Variants in TAPBPL observed in about 807,000 individuals in gnomAD.
The protein encoded by TAPBPL is tapasin-related protein.
TAPBPL carries 32 observed loss-of-function variants against 44.8 expected under a neutral mutation model. The observed-to-expected ratio is 0.71, with a 90% CI of 0.54 to 0.96. The LOEUF (loss-of-function observed/expected upper bound fraction) is 0.96, where lower values mean the gene tolerates loss of function less well. TAPBPL is among the 40% of genes least tolerant of loss of function. The pLI, the probability that TAPBPL is intolerant of heterozygous loss-of-function variation, is 0.00. For synonymous variants in TAPBPL, 230 were observed against 240.7 expected (o/e 0.96, Z 0.41); for missense variants, 520 against 586.6 (o/e 0.89, Z 1.17).
chr12:6,457,284 C>A, intron 3 of TAPBPL, 122 bp from the exon 4 acceptor site: 1 of 906,012 alleles, frequency 1.1e-6, no homozygotes, highest in Non-Finnish European at 1.6e-6. Context: ...GGAAAATAAG[C>A]TCAACCGGCC....
At chr12:6,459,710 A>G (rs1949791973) in intron 5 of TAPBPL, among the ~76,000 whole-genome samples, 1 of 151,874 alleles carries the variant, frequency 6.6e-6, no homozygotes, top group Non-Finnish European at 1.5e-5. Context: ...GAGCCATAGC[A>G]TGCTGTTGAA....
chr12:6,456,460 G>A (rs1388384900), intron 3 of TAPBPL, among the ~76,000 whole-genome samples: 1 of 151,038 alleles, frequency 6.6e-6, no homozygotes. Flanking sequence ...CGCCTCCTGG[G>A]TTCAAGTGAT....
At chr12:6,456,552 C>T (rs12368360) in intron 3 of TAPBPL, among the ~76,000 whole-genome samples, 21,536 of 151,860 alleles carry the variant, frequency 0.14, 1,972 homozygotes, top group Non-Finnish European at 0.21. Flanking sequence ...TTAGTAGAGA[C>T]GGGGTTTCTC....
chr12:6,463,161 C>T (rs1949925214), downstream of TAPBPL: 1 of 1,444,772 alleles, frequency 6.9e-7, no homozygotes, highest in Middle Eastern at 2.5e-4. The surrounding 1 kb of genome is among the most constrained non-coding windows in gnomAD (Gnocchi z 4.0). Context: ...ACAAACCATG[C>T]AAAGAGGAGG....
downstream of TAPBPL, chr12:6,462,986 G>A (rs935784685): frequency 1.0e-5 from 16 of 1,550,950 alleles, no homozygotes; most frequent in African/African-American, 1.4e-5. Context: ...GTGGACCGAG[G>A]GAAGAAGGAA....
downstream of TAPBPL, chr12:6,466,678 G>A (rs1193348181): frequency 4.5e-6 from 1 of 223,964 alleles, no homozygotes; most frequent in East Asian, 1.4e-4. Context: ...GAAAGACTCT[G>A]CAACAACATT....
the TAPBPL span, among the ~76,000 whole-genome samples, chr12:6,471,956 C>A: frequency 6.6e-6 from 1 of 152,158 alleles, no homozygotes; most frequent in African/African-American, 2.4e-5. The surrounding 1 kb of genome is among the most constrained non-coding windows in gnomAD (Gnocchi z 4.0). Context: ...CACTCTTGTG[C>A]ATGCATAAAA....
At position 6,453,530 on chromosome 12, in the gene TAPBPL, T is replaced by G. The variant is rs2136977548; in HGVS notation, c.379T>G (p.Tyr127Asp). 1.2e-6 allele frequency: 2 copies of G among 1,614,172 alleles called. No homozygotes were observed. The highest frequency in any genetic ancestry group is 1.6e-4 in the Middle Eastern group (1 of 6,062). Residue 127 changes from tyrosine (Y) to aspartate (D), a missense_variant, in exon 3 of 7, where the codon TAC becomes GAC. Transcript: ENST00000266556. This position sits in a 1 kb window ranked among gnomAD's most constrained non-coding sequence, Gnocchi z 4.8. ...GKEVTCEISR[Y>D]FLQMTETTVK... ...GGAGGTGACCTGTGAGATCTCCCGC[T>G]ACTTTCTCCAGATGACAGAGACCAC...
chr12:6,470,685 C>A, downstream of TAPBPL: 1 of 939,974 alleles, frequency 1.1e-6, no homozygotes. Flanking sequence ...ACTGCAGCTG[C>A]CGCGCCGGCC....
downstream of TAPBPL, chr12:6,463,181 G>A: frequency 6.9e-7 from 1 of 1,439,552 alleles, no homozygotes; most frequent in Non-Finnish European, 9.1e-7. The surrounding 1 kb of genome is among the most constrained non-coding windows in gnomAD (Gnocchi z 4.0). Flanking sequence ...GAAGAGAAAG[G>A]AGGCAAAGTA....
At chr12:6,456,386 T>C (rs986305589) in intron 3 of TAPBPL, among the ~76,000 whole-genome samples, 1 of 150,184 alleles carries the variant, frequency 6.7e-6, no homozygotes, top group Non-Finnish European at 1.5e-5. Flanking sequence ...TTTTTCGATA[T>C]GGAGTTTTAC....
In TAPBPL at chr12:6,458,835, C is replaced by G. The variant is rs1369851831; in HGVS notation, c.1095C>G (p.Ile365Met). ...AAAGCGTGGCAGGCACCTACAGCAT[C>G]TCCTCCTCTCTCACCGCAGAACCTG... is the stretch of plus-strand genomic sequence containing the variant. ...LRQSVAGTYSISSSLTAEPGS... is the reference protein window; with the variant it reads ...LRQSVAGTYSMSSSLTAEPGS... Residue 365 changes from isoleucine (I) to methionine (M), a missense_variant, in exon 5 of 7, where the codon ATC (isoleucine) becomes ATG (methionine). By Grantham distance (10) the Ile-to-Met change is conservative (BLOSUM62 1). Coordinates refer to ENST00000266556, the MANE Select transcript of TAPBPL (RefSeq NM_018009.5). 1.2e-6 allele frequency: 2 copies of G among 1,613,580 alleles called. No homozygotes were observed. Among genetic ancestry groups the G allele is most frequent in the Admixed American group, 1.7e-5 (1 of 60,004 alleles).
chr12:6,463,331 T>C (rs1176978366), downstream of TAPBPL: 22 of 1,169,792 alleles, frequency 1.9e-5, no homozygotes, highest in Non-Finnish European at 2.2e-5. This position sits in a 1 kb window ranked among gnomAD's most constrained non-coding sequence, Gnocchi z 4.0. Context: ...CCCCCCAAGG[T>C]GGGGCTGGTG....
In TAPBPL at chr12:6,462,173, G is replaced by T; in HGVS notation, c.*24G>T. 1.3e-6 allele frequency: 2 copies of T among 1,518,886 alleles called. No individual in the cohort carries two copies. Among genetic ancestry groups the T allele is most frequent in the Non-Finnish European group, 1.8e-6 (2 of 1,116,282 alleles). 94.1% of individuals were successfully genotyped at this position (1,518,886 alleles called of 1,614,324 possible). On this transcript the variant is annotated 3_prime_UTR_variant, in exon 7 of 7. Transcript: ENST00000266556. ...GACCTAAAGCGACATGAGACTACTAGAAAGAAACGACACCCTTCCCCAAGC... is the reference window on the plus strand; with the variant it reads ...GACCTAAAGCGACATGAGACTACTATAAAGAAACGACACCCTTCCCCAAGC...
chr12:6,470,682 C>A, downstream of TAPBPL: 1 of 992,224 alleles, frequency 1.0e-6, no homozygotes, highest in Admixed American at 2.1e-5. Context: ...CTTACTGCAG[C>A]TGCCGCGCCG....
downstream of TAPBPL, chr12:6,464,462 GTA>G: frequency 6.4e-7 from 1 of 1,554,966 alleles, no homozygotes; most frequent in African/African-American, 1.4e-5. Flanking sequence ...GGAAGGGGTG[GTA>G]CATTCTCAAG....
intron 1 of TAPBPL, chr12:6,452,742 C>T (rs1376214319): frequency 1.1e-5 from 7 of 614,710 alleles, no homozygotes; most frequent in African/African-American, 3.7e-5. Context: ...CCTCTCTCTG[C>T]GGTGGCACTT....
Position 6,456,049 on chromosome 12 carries a change from T to C in TAPBPL, c.566-1357T>C, listed in dbSNP as rs1188623886. 2.6e-5 allele frequency among the ~76,000 whole-genome samples: 4 copies of C among 152,258 alleles called. No homozygotes were observed. In the East Asian group the frequency reaches 7.7e-4, roughly 29 times the overall value. On this transcript the variant is annotated intron_variant, in intron 3 of 6. Coordinates refer to ENST00000266556, the MANE Select transcript of TAPBPL (RefSeq NM_018009.5). ...TGTTGGGATTACAGGCGTGAGCCACTGTGCCCAACCTAAGACCCTTCTCTT... is the reference window on the plus strand; with the variant it reads ...TGTTGGGATTACAGGCGTGAGCCACCGTGCCCAACCTAAGACCCTTCTCTT...
At chr12:6,468,080 A>G (rs532870328), downstream of TAPBPL, among the ~76,000 whole-genome samples, 5 of 152,356 alleles carry the variant, frequency 3.3e-5, no homozygotes, top group East Asian at 7.7e-4. Flanking sequence ...GCCCCCACAC[A>G]GAGTCCCCAC....
Sources: gnomAD v4.1 joint callset for allele counts (sites outside exome capture counted in the v4.1 genomes callset) on GRCh38, gnomAD v4.1.1 for gene constraint, Gnocchi (gnomAD v3.1) non-coding constraint, MANE v1.5 for transcripts, NCBI Gene and HGNC (gene_info 2026-07-23, HGNC 2026-07-21) for gene names.